Variants in NCKAP5 observed in about 807,000 individuals in gnomAD.
NCKAP5 encodes the protein NCK associated protein 5, also known as nck-associated protein 5.
Under a neutral mutation model 167.0 loss-of-function variants are expected in NCKAP5, and 92 were observed. That is an observed-to-expected ratio of 0.55 (90% CI 0.47 to 0.66). NCKAP5 has a LOEUF of 0.66. Ranked by LOEUF, NCKAP5 falls within the 30% of genes least tolerant of loss-of-function variation. The probability of loss-of-function intolerance (pLI) is 0.00; values close to 1 mark genes in which losing one functional copy is unlikely to be tolerated. For synonymous variants in NCKAP5, 891 were observed against 877.4 expected, an observed-to-expected ratio of 1.02 and a Z score of -0.27; for missense variants, 2,378 against 2,315.0, an observed-to-expected ratio of 1.03 and a Z score of -0.56.
intron 3 of NCKAP5, among the ~76,000 whole-genome samples, chr2:133,405,137 G>A (rs1688343008): frequency 6.6e-6 from 1 of 152,136 alleles, no homozygotes; most frequent in Admixed American, 6.5e-5. Flanking sequence ...ATTGCTCCTT[G>A]GAAAAATACT....
At chr2:133,038,573 A>G (rs916359280) in intron 6 of NCKAP5, among the ~76,000 whole-genome samples, 2 of 152,154 alleles carry the variant, frequency 1.3e-5, no homozygotes, top group Admixed American at 6.5e-5. Context: ...CAACAGAAGG[A>G]CTATAGTCAA....
chr2:133,575,869 T>C, the NCKAP5 span, among the ~76,000 whole-genome samples: 3 of 152,200 alleles, frequency 2.0e-5, no homozygotes, highest in Non-Finnish European at 2.9e-5. Flanking sequence ...AACCATCTGA[T>C]CTCTTAACGA....
At chr2:132,825,262 A>T (rs1339038381) in intron 11 of NCKAP5, among the ~76,000 whole-genome samples, 1 of 152,214 alleles carries the variant, frequency 6.6e-6, no homozygotes, top group Non-Finnish European at 1.5e-5. Context: ...TAGCATGTTC[A>T]AGGTAAGCCA....
At chr2:132,806,651 T>G (rs996381359) in intron 11 of NCKAP5, among the ~76,000 whole-genome samples, 1 of 152,176 alleles carries the variant, frequency 6.6e-6, no homozygotes, top group Admixed American at 6.5e-5. Context: ...TTTGAGTTCA[T>G]TGTAGATTCA....
intron 6 of NCKAP5, among the ~76,000 whole-genome samples, chr2:133,039,673 C>A (rs1309155053): frequency 6.6e-6 from 1 of 152,126 alleles, no homozygotes. Flanking sequence ...ATGACATAAA[C>A]CAACAGCCCC....
intron 7 of NCKAP5, among the ~76,000 whole-genome samples, chr2:132,993,730 A>G (rs2077510598): frequency 6.6e-6 from 1 of 152,144 alleles, no homozygotes; most frequent in East Asian, 1.9e-4. Context: ...CCCTTCATGG[A>G]GTTCTCTATT....
chr2:133,407,466 T>C (rs1688507175), intron 3 of NCKAP5, among the ~76,000 whole-genome samples: 1 of 152,166 alleles, frequency 6.6e-6, no homozygotes, highest in South Asian at 2.1e-4. Flanking sequence ...TAGGAAGAAG[T>C]GTGACAGGAG....
chr2:133,230,073 A>T (rs2087073338), intron 4 of NCKAP5, among the ~76,000 whole-genome samples: 1 of 152,188 alleles, frequency 6.6e-6, no homozygotes, highest in Non-Finnish European at 1.5e-5. Context: ...TAAATCATGG[A>T]TAAAAGAAGC....
At chr2:132,852,322 A>G (rs1393862547) in intron 11 of NCKAP5, among the ~76,000 whole-genome samples, 1 of 152,222 alleles carries the variant, frequency 6.6e-6, no homozygotes, top group Non-Finnish European at 1.5e-5. Flanking sequence ...TCAATCACTT[A>G]GTCTACTGCA....
At chr2:132,889,177 A>C (rs996290922) in intron 8 of NCKAP5, among the ~76,000 whole-genome samples, 3 of 152,204 alleles carry the variant, frequency 2.0e-5, no homozygotes, top group Non-Finnish European at 4.4e-5. Context: ...GCCATCTTGG[A>C]AATGGATCCT....
the NCKAP5 span, among the ~76,000 whole-genome samples, chr2:133,656,917 G>T: frequency 6.6e-6 from 1 of 151,372 alleles, no homozygotes; most frequent in South Asian, 2.1e-4. Flanking sequence ...TTTAATCCCC[G>T]TCCCCCTCCC....
At chr2:133,322,568 G>A (rs1682135649) in intron 3 of NCKAP5, among the ~76,000 whole-genome samples, 1 of 152,178 alleles carries the variant, frequency 6.6e-6, no homozygotes, top group Non-Finnish European at 1.5e-5. Flanking sequence ...ATCTGAGTGG[G>A]TAGTTGAAAA....
intron 6 of NCKAP5, among the ~76,000 whole-genome samples, chr2:133,005,973 T>C (rs2077952948): frequency 6.6e-6 from 1 of 152,102 alleles, no homozygotes; most frequent in Admixed American, 6.6e-5. Flanking sequence ...ATTTCTTCTC[T>C]TGGCTGGGCA....
intron 3 of NCKAP5, among the ~76,000 whole-genome samples, chr2:133,365,483 A>C (rs1432869918): frequency 6.6e-6 from 1 of 151,530 alleles, no homozygotes; most frequent in African/African-American, 2.4e-5. Flanking sequence ...GATGATAAGC[A>C]CTAGGAAGGT....
intron 5 of NCKAP5, among the ~76,000 whole-genome samples, chr2:133,144,983 G>T (rs996483382): frequency 6.6e-6 from 1 of 152,070 alleles, no homozygotes; most frequent in African/African-American, 2.4e-5. Context: ...ATACATACAG[G>T]TAGATGATAA....
chr2:133,279,563 T>C (rs1210146067), intron 4 of NCKAP5, among the ~76,000 whole-genome samples: 1 of 152,242 alleles, frequency 6.6e-6, no homozygotes, highest in East Asian at 1.9e-4. Flanking sequence ...ACTAAGTTTC[T>C]GTTTTATCAC....
At chr2:132,866,701 C>A (rs1314585448) in intron 10 of NCKAP5, among the ~76,000 whole-genome samples, 1 of 152,166 alleles carries the variant, frequency 6.6e-6, no homozygotes, top group Non-Finnish European at 1.5e-5. Context: ...TGTGTCATAA[C>A]TAATGGCATA....
chr2:132,786,434 C>T (rs962406634), intron 13 of NCKAP5, among the ~76,000 whole-genome samples: 1 of 152,170 alleles, frequency 6.6e-6, no homozygotes, highest in African/African-American at 2.4e-5. Flanking sequence ...TTACTACACT[C>T]ATACATATAC....
At chr2:132,779,767 A>T (rs1260201196) in intron 15 of NCKAP5, among the ~76,000 whole-genome samples, 1 of 152,174 alleles carries the variant, frequency 6.6e-6, no homozygotes, top group Non-Finnish European at 1.5e-5. Flanking sequence ...AAATCTAAAC[A>T]TCAATAAGTA....
Sources: gnomAD v4.1 joint callset for allele counts (sites outside exome capture counted in the v4.1 genomes callset) on GRCh38, gnomAD v4.1.1 for gene constraint, MANE v1.5 for transcripts, NCBI Gene and HGNC (gene_info 2026-07-23, HGNC 2026-07-21) for gene names.